The following OR2M3 variants were observed in gnomAD, a reference collection of about 807,000 sequenced individuals.
OR2M3 encodes olfactory receptor 2M3.
In OR2M3, 1 loss-of-function variant was observed where a neutral mutation model predicts 4.3. The observed-to-expected ratio is 0.23, with a 90% confidence interval of 0.08 to 1.11. The LOEUF (loss-of-function observed/expected upper bound fraction) is 1.11, where lower values mean the gene tolerates loss of function less well. OR2M3 is among the 50% of genes most tolerant of loss of function. The pLI is 0.54. For synonymous variants in OR2M3, 151 were observed against 139.4 expected, an observed-to-expected ratio of 1.08 and a Z score of -0.59; for missense variants, 410 against 390.4, an observed-to-expected ratio of 1.05 and a Z score of -0.42.
Position 248,203,448 on chromosome 1 carries a change from C to T in OR2M3, c.381C>T (p.Cys127=). 5 of 1,613,916 alleles carry T rather than the reference C, an allele frequency of 3.1e-6. No individual in the cohort carries two copies. Among genetic ancestry groups the T allele is most frequent in the Non-Finnish European group, 2.5e-6 (3 of 1,179,934 alleles). Residue 127 remains cysteine (C), a synonymous_variant, in exon 2 of 2, where the codon TGC becomes TGT. Coordinates refer to ENST00000641626, the MANE Select transcript of OR2M3 (RefSeq NM_001004689.2). ...VMAYDRYTAI[C]HPLRYTNLMS... ...CTTATGACCGCTACACTGCCATTTG[C>T]CACCCTCTAAGATACACCAATCTCA...
chr1:248,204,258 C>A lies in OR2M3; in HGVS notation c.*252C>A. 1 of 314,482 alleles carries A rather than the reference C, an allele frequency of 3.2e-6. No homozygotes were observed. Among genetic ancestry groups the A allele is most frequent in the Non-Finnish European group, 5.7e-6 (1 of 174,460 alleles). 19.5% of individuals were successfully genotyped at this position (314,482 alleles called of 1,614,324 possible). ...AGTTTTAAAAATTATTTTTAATTTC[C>A]ATAGGTTTTTGGAGAACAGGTAGTG... is the stretch of plus-strand genomic sequence containing the variant. On this transcript the variant is annotated 3_prime_UTR_variant, in exon 2 of 2. Transcript: ENST00000641626.
rs1666220468 is a variant in OR2M3 at position 248,206,026 on chromosome 1, T to C, written c.*2020T>C. 1 of 152,032 alleles carries C rather than the reference T, an allele frequency of 6.6e-6. No individual in the cohort carries two copies. The highest frequency in any genetic ancestry group is 1.5e-5 in the Non-Finnish European group (1 of 67,936). The allele number at this position is 152,032 out of a possible 1,614,324, so 9.4% of individuals were successfully genotyped here. On this transcript the variant is annotated 3_prime_UTR_variant, in exon 2 of 2. Coordinates refer to ENST00000641626, the MANE Select transcript of OR2M3 (RefSeq NM_001004689.2). The stretch of plus-strand genomic sequence containing the variant: ...TCACATCCTTGGTTAGGTATACTCC[T>C]TAATATTTTGTGTTGTTGTTGTTAT...
Position 248,203,699 on chromosome 1 carries a change from T to C in OR2M3, c.632T>C (p.Val211Ala). The stretch of plus-strand genomic sequence containing the variant: ...TGTATAGTAATGATTGTTTTCCCTG[T>C]TGCAATCATCATTGCTTCCTATGCT... ...ICCIVMIVFP[V>A]AIIIASYARV... is the part of the protein sequence containing the mutation. Residue 211 changes from valine (V) to alanine (A), a missense_variant, in exon 2 of 2, where the codon GTT becomes GCT. Physicochemically the swap from Val to Ala is moderately conservative, Grantham distance 64 (BLOSUM62 0). Coordinates refer to ENST00000641626, the MANE Select transcript of OR2M3 (RefSeq NM_001004689.2). 1 of 1,613,166 alleles carries C rather than the reference T, an allele frequency of 6.2e-7. No individual in the cohort carries two copies. The highest frequency in any genetic ancestry group is 8.5e-7 in the Non-Finnish European group (1 of 1,179,816).
chr1:248,200,009 GAGTAGAATTATTCA>G (rs1666138180), intron 1 of OR2M3, among the ~76,000 whole-genome samples: 1 of 152,078 alleles, frequency 6.6e-6, no homozygotes, highest in Admixed American at 6.6e-5. Flanking sequence ...ATAAATGATG[GAGTAGAATTATTCA>G]ACATTTTATG....
In OR2M3 at chr1:248,212,612, A is replaced by G. The variant is rs1231087433; in HGVS notation, c.*8606A>G. On this transcript the variant is annotated 3_prime_UTR_variant, in exon 2 of 2. Coordinates refer to ENST00000641626, the MANE Select transcript of OR2M3 (RefSeq NM_001004689.2). ...TTTCTTGGTCTGGTATTAAAGAAGCATTTTCCAAAAGTTATTGTTTTATAA... is the reference window on the plus strand; with the variant it reads ...TTTCTTGGTCTGGTATTAAAGAAGCGTTTTCCAAAAGTTATTGTTTTATAA... 1.3e-5 allele frequency: 2 copies of G among 151,970 alleles called. No homozygotes were observed. The highest frequency in any genetic ancestry group is 2.4e-5 in the African/African-American group (1 of 41,418). 9.4% of individuals were successfully genotyped at this position (151,970 alleles called of 1,614,324 possible). A position where few individuals can be genotyped will look rare whatever the true frequency, so the allele number is the denominator to read the frequency against.
intron 1 of OR2M3, among the ~76,000 whole-genome samples, chr1:248,199,145 A>T (rs1250814702): frequency 1.3e-5 from 2 of 152,126 alleles, no homozygotes; most frequent in African/African-American, 4.8e-5. Flanking sequence ...AACATAGTAG[A>T]TTAGATGAAA....
Position 248,203,393 on chromosome 1 carries a change from G to T in OR2M3, c.326G>T (p.Gly109Val). 1 of 1,614,018 alleles carries T rather than the reference G, an allele frequency of 6.2e-7. No individual in the cohort carries two copies. The highest frequency in any genetic ancestry group is 1.3e-5 in the African/African-American group (1 of 74,980). ...TQIFFYTSLL[G>V]SECFLLAVMA... ...ATTTTCTTCTATACATCACTGCTTG[G>T]CTCTGAGTGCTTTCTTTTGGCTGTT... is the stretch of plus-strand genomic sequence containing the variant. The change falls in exon 2 of 2, where the codon GGC (glycine) becomes GTC (valine). Residue 109 changes from glycine (G) to valine (V), a missense_variant. Gly to Val is a moderately radical substitution (Grantham distance 109). Transcript: ENST00000641626.
chr1:248,203,293 A>T lies in OR2M3; in HGVS notation c.226A>T (p.Thr76Ser). Reference protein sequence around the residue: ...LSLMDLMLICTTVPKMAFNYL... With the variant: ...LSLMDLMLICSTVPKMAFNYL... ...CCTCATGGACCTCATGCTCATCTGC[A>T]CCACCGTACCCAAGATGGCCTTCAA... is the stretch of plus-strand genomic sequence containing the variant. The change falls in exon 2 of 2, where the codon ACC (threonine) becomes TCC (serine). Residue 76 changes from threonine (T) to serine (S), a missense_variant. By Grantham distance (58) the Thr-to-Ser change is moderately conservative. Coordinates refer to ENST00000641626, the MANE Select transcript of OR2M3 (RefSeq NM_001004689.2). The T allele has an allele frequency of 6.2e-7, 1 of 1,614,080 alleles. No homozygotes were observed. The highest frequency in any genetic ancestry group is 8.5e-7 in the Non-Finnish European group (1 of 1,180,010).
rs1025526532 is a variant in OR2M3 at position 248,208,646 on chromosome 1, G to A, written c.*4640G>A. ...TTTATTTAAGGAGGCTGATGATAGG[G>A]CGCCAATCCCTTCTAGCTTGTAGGG... On this transcript the variant is annotated 3_prime_UTR_variant, in exon 2 of 2. Coordinates refer to ENST00000641626, the MANE Select transcript of OR2M3 (RefSeq NM_001004689.2). 1 of 152,138 alleles carries A rather than the reference G, an allele frequency of 6.6e-6. No individual in the cohort carries two copies. The highest frequency in any genetic ancestry group is 2.4e-5 in the African/African-American group (1 of 41,436). 9.4% of individuals were successfully genotyped at this position (152,138 alleles called of 1,614,324 possible). A position where few individuals can be genotyped will look rare whatever the true frequency, so the allele number is the denominator to read the frequency against.
chr1:248,202,283 C>T lies in OR2M3; in HGVS notation c.-18-767C>T, dbSNP rs543263004. Among the ~76,000 whole-genome samples, 10 of 103,218 alleles carry T rather than the reference C, an allele frequency of 9.7e-5. No individual in the cohort carries two copies. The South Asian group carries it at 3.5e-3, about 36-fold the overall frequency. The allele number at this position is 103,218 out of a possible 152,430, so 67.7% of individuals were successfully genotyped here. The stretch of plus-strand genomic sequence containing the variant: ...CTGCCTCCCCCATCACACGGTAATC[C>T]CCAGTGTCTCAGTCTTTGCATGGCC... On this transcript the variant is annotated intron_variant, in intron 1 of 1. Coordinates refer to ENST00000641626, the MANE Select transcript of OR2M3 (RefSeq NM_001004689.2).
chr1:248,211,705 C>T lies in OR2M3; in HGVS notation c.*7699C>T, dbSNP rs893583139. 1 of 151,876 alleles carries T rather than the reference C, an allele frequency of 6.6e-6. No individual in the cohort carries two copies. The highest frequency in any genetic ancestry group is 6.6e-5 in the Admixed American group (1 of 15,242). The allele number at this position is 151,876 out of a possible 1,614,324, so 9.4% of individuals were successfully genotyped here. On this transcript the variant is annotated 3_prime_UTR_variant, in exon 2 of 2. Coordinates refer to ENST00000641626, the MANE Select transcript of OR2M3 (RefSeq NM_001004689.2). ...CTCTCAGGGCCCATGCGAAATCTAT[C>T]TCAATCAAAAGTGCATTATTCTTAG...
chr1:248,203,819 A>C lies in OR2M3; in HGVS notation c.752A>C (p.Tyr251Ser). Residue 251 changes from tyrosine (Y) to serine (S), a missense_variant, in exon 2 of 2, where the codon TAC becomes TCC. By Grantham distance (144) the Tyr-to-Ser change is moderately radical (BLOSUM62 -2). Transcript: ENST00000641626. ...TCTCACCTCTTGGTGGTGGGAATGT[A>C]CTATGGAGCAGCTTTGTTCATGTAC... ...CSSHLLVVGMYYGAALFMYIR... is the reference protein window; with the variant it reads ...CSSHLLVVGMSYGAALFMYIR... 1 of 1,613,310 alleles carries C rather than the reference A, an allele frequency of 6.2e-7. No individual in the cohort carries two copies. The highest frequency in any genetic ancestry group is 8.5e-7 in the Non-Finnish European group (1 of 1,179,794).
intron 1 of OR2M3, among the ~76,000 whole-genome samples, chr1:248,198,841 T>A (rs1250115272): frequency 6.6e-6 from 1 of 152,186 alleles, no homozygotes; most frequent in Non-Finnish European, 1.5e-5. Context: ...TCTGTGTTAC[T>A]ATTGCTCTGG....
At chr1:248,201,935 G>A (rs1251706563) in intron 1 of OR2M3, among the ~76,000 whole-genome samples, 1 of 152,076 alleles carries the variant, frequency 6.6e-6, no homozygotes, top group Non-Finnish European at 1.5e-5. Context: ...CACGTAGCCA[G>A]GCTTCATAAG....
In OR2M3 at chr1:248,202,136, C is replaced by T. The variant is rs76438199; in HGVS notation, c.-18-914C>T. On this transcript the variant is annotated intron_variant, in intron 1 of 1. Coordinates refer to ENST00000641626, the MANE Select transcript of OR2M3 (RefSeq NM_001004689.2). ...CTAGAAATCTGAAATCAAGATGTCA[C>T]CAGGGTTGGTTACTTCTGAGGGCTC... is the stretch of plus-strand genomic sequence containing the variant. 3.2e-3 allele frequency among the ~76,000 whole-genome samples: 488 copies of T among 152,250 alleles called. 1 individual carries two copies. Among genetic ancestry groups the T allele is most frequent in the Non-Finnish European group, 5.5e-3 (372 of 68,014 alleles).
At chr1:248,197,497 T>G (rs548220501) in intron 1 of OR2M3, among the ~76,000 whole-genome samples, 196 bp downstream of exon 1, 1 of 152,190 alleles carries the variant, frequency 6.6e-6, no homozygotes, top group South Asian at 2.1e-4. Flanking sequence ...GCAGAAGGAG[T>G]GGTTACTTGC....
At position 248,209,239 on chromosome 1, in the gene OR2M3, A is replaced by T. The variant is rs1666254177; in HGVS notation, c.*5233A>T. 6.6e-6 allele frequency: 1 copy of T among 151,836 alleles called. No individual in the cohort carries two copies. Among genetic ancestry groups the T allele is most frequent in the South Asian group, 2.1e-4 (1 of 4,814 alleles). 9.4% of individuals were successfully genotyped at this position (151,836 alleles called of 1,614,324 possible). A position where few individuals can be genotyped will look rare whatever the true frequency, so the allele number is the denominator to read the frequency against. On this transcript the variant is annotated 3_prime_UTR_variant, in exon 2 of 2. Coordinates refer to ENST00000641626, the MANE Select transcript of OR2M3 (RefSeq NM_001004689.2). ...TTTTATTTTCTGTATCATGATTTTT[A>T]TTTCTTTACATTAGACTTCACTTTT...
In OR2M3 at chr1:248,206,703, G is replaced by A. The variant is rs998703315; in HGVS notation, c.*2697G>A. 1 of 152,026 alleles carries A rather than the reference G, an allele frequency of 6.6e-6. No individual in the cohort carries two copies. The highest frequency in any genetic ancestry group is 1.5e-5 in the Non-Finnish European group (1 of 67,942). 9.4% of individuals were successfully genotyped at this position (152,026 alleles called of 1,614,324 possible). A position where few individuals can be genotyped will look rare whatever the true frequency, so the allele number is the denominator to read the frequency against. On this transcript the variant is annotated 3_prime_UTR_variant, in exon 2 of 2. Transcript: ENST00000641626. ...GCTTTTCGATATGCTGTGGGATTCA[G>A]TTCTCTAGTATTATGTTGAGGATTT...
chr1:248,207,066 T>C lies in OR2M3; in HGVS notation c.*3060T>C, dbSNP rs189104213. The C allele has an allele frequency of 1.5e-4, 23 of 152,168 alleles. No homozygotes were observed. Among genetic ancestry groups the C allele is most frequent in the African/African-American group, 4.8e-4 (20 of 41,542 alleles). The allele number at this position is 152,168 out of a possible 1,614,324, so 9.4% of individuals were successfully genotyped here. The stretch of plus-strand genomic sequence containing the variant: ...TTGTATAGTTCCAGGAATTTGGTTA[T>C]CTCTTCCAGGTTTTTTAGTTTATCT... On this transcript the variant is annotated 3_prime_UTR_variant, in exon 2 of 2. Transcript: ENST00000641626.
Sources: gnomAD v4.1 joint callset for allele counts (sites outside exome capture counted in the v4.1 genomes callset) on GRCh38, gnomAD v4.1.1 for gene constraint, MANE v1.5 for transcripts, NCBI Gene and HGNC (gene_info 2026-07-23, HGNC 2026-07-21) for gene names.